Variants in TRMT11 observed in about 807,000 individuals in gnomAD.
TRMT11 encodes the protein tRNA methyltransferase 11, also known as tRNA (guanine(10)-N(2))-methyltransferase TRMT11.
TRMT11 carries 53 observed loss-of-function variants against 62.8 expected under a neutral mutation model. That is an observed-to-expected ratio of 0.84 (90% CI 0.68 to 1.06). The LOEUF (loss-of-function observed/expected upper bound fraction) is 1.06. Ranked by LOEUF, TRMT11 falls within the 50% of genes least tolerant of loss-of-function variation. The pLI is 0.00. For missense variants in TRMT11, 556 were observed against 553.4 expected (o/e 1.00, Z -0.05); for synonymous variants, 188 against 190.3 (o/e 0.99, Z 0.10).
chr6:126,209,453 G>C, the TRMT11 span, among the ~76,000 whole-genome samples: 1 of 151,982 alleles, frequency 6.6e-6, no homozygotes, highest in Non-Finnish European at 1.5e-5. Flanking sequence ...GGGCGCGGTG[G>C]CTCACTCCTG....
chr6:126,163,653 T>A (rs544276263), intron 21 of TRMT11, among the ~76,000 whole-genome samples: 23 of 152,332 alleles, frequency 1.5e-4, no homozygotes, highest in African/African-American at 5.5e-4. Context: ...GTACCTCTGG[T>A]AGAATTCGGC....
chr6:126,189,400 T>C (rs1778567584), intron 1 of TRMT11, among the ~76,000 whole-genome samples: 1 of 152,176 alleles, frequency 6.6e-6, no homozygotes, highest in African/African-American at 2.4e-5. Context: ...CCCCCAATTC[T>C]AAAGAAGGTT....
the TRMT11 span, among the ~76,000 whole-genome samples, chr6:126,229,477 A>G: frequency 6.6e-6 from 1 of 152,200 alleles, no homozygotes; most frequent in Non-Finnish European, 1.5e-5. Flanking sequence ...AGTCATTGTA[A>G]TCACATTGAA....
chr6:126,064,903 G>GTTCTAACTTTTTAA (rs1469582474), intron 17 of TRMT11, among the ~76,000 whole-genome samples: 1 of 152,178 alleles, frequency 6.6e-6, no homozygotes, highest in Non-Finnish European at 1.5e-5. Flanking sequence ...GAACCTTCTG[G>GTTCTAACTTTTTAA]TGTGGAGCAA....
chr6:126,234,100 C>T, the TRMT11 span, among the ~76,000 whole-genome samples: 1 of 152,004 alleles, frequency 6.6e-6, no homozygotes, highest in South Asian at 2.1e-4. Context: ...ATAGTCAAAC[C>T]TACGTCTCTG....
chr6:126,083,782 C>T (rs1228426123), intron 17 of TRMT11, among the ~76,000 whole-genome samples: 1 of 152,126 alleles, frequency 6.6e-6, no homozygotes, highest in Non-Finnish European at 1.5e-5. Context: ...ATTTCCTTCC[C>T]TCCCAATCAC....
At chr6:126,222,457 T>TTTTCCA in the TRMT11 span, among the ~76,000 whole-genome samples, 1 of 152,194 alleles carries the variant, frequency 6.6e-6, no homozygotes, top group Admixed American at 6.5e-5. Flanking sequence ...TATAGAATGT[T>TTTTCCA]TTTCCATTTC....
At chr6:126,198,832 A>G (rs1455621716) in exon 2 of TRMT11, 2 of 152,202 alleles carry the variant, frequency 1.3e-5, no homozygotes, top group Admixed American at 1.3e-4. Flanking sequence ...GCTTCAAATC[A>G]TCATCATGGG....
intron 3 of TRMT11, among the ~76,000 whole-genome samples, chr6:126,201,501 T>C (rs992305800): frequency 6.6e-6 from 1 of 152,198 alleles, no homozygotes; most frequent in Admixed American, 6.5e-5. Flanking sequence ...GTCCCTCCTG[T>C]GGATTGATCC....
chr6:126,200,181 A>C (rs1037740504), intron 3 of TRMT11, among the ~76,000 whole-genome samples: 3 of 152,204 alleles, frequency 2.0e-5, no homozygotes, highest in African/African-American at 7.2e-5. Context: ...GACAAGAAAG[A>C]GTTTATCAAG....
chr6:126,188,659 T>A (rs1444886436), intron 1 of TRMT11, among the ~76,000 whole-genome samples: 1 of 152,186 alleles, frequency 6.6e-6, no homozygotes, highest in Non-Finnish European at 1.5e-5. Context: ...TAGTTCATAA[T>A]GGGTGAAACA....
downstream of TRMT11, among the ~76,000 whole-genome samples, chr6:126,204,381 C>T (rs143833008): frequency 3.3e-4 from 50 of 152,256 alleles, no homozygotes; most frequent in African/African-American, 1.2e-3. Flanking sequence ...GATTCAGGAC[C>T]GGATTCTCTG....
chr6:125,986,750 A>T, intron 1 of TRMT11, 128 bp downstream of exon 1: 2 of 873,992 alleles, frequency 2.3e-6, no homozygotes, highest in Non-Finnish European at 3.5e-6. Context: ...TGCGCGGGTC[A>T]CGCGTCCCCA....
chr6:126,076,903 G>A (rs1176420413), intron 17 of TRMT11, among the ~76,000 whole-genome samples: 5 of 152,136 alleles, frequency 3.3e-5, no homozygotes, highest in Non-Finnish European at 4.4e-5. Flanking sequence ...AGAATATTAA[G>A]GGAGAGACTC....
chr6:126,257,865 T>G, the TRMT11 span: 16 of 1,270,476 alleles, frequency 1.3e-5, no homozygotes, highest in Non-Finnish European at 1.7e-5. Context: ...GCTCTTGCTA[T>G]GAGGTCGGGG....
Position 126,021,150 on chromosome 6 carries a change from C to T in TRMT11, c.1140-10C>T. 1 of 1,613,942 alleles carries T rather than the reference C, an allele frequency of 6.2e-7. No individual in the cohort carries two copies. Among genetic ancestry groups the T allele is most frequent in the Non-Finnish European group, 8.5e-7 (1 of 1,179,854 alleles). ...TGAGTGTTCCTAACAGTCAGCTGTT[C>T]TTTCTTCAGATACACTGAAGAGATG... On this transcript the variant is annotated splice_polypyrimidine_tract_variant and intron_variant, in intron 11 of 12. Coordinates refer to ENST00000334379, the MANE Select transcript of TRMT11 (RefSeq NM_001031712.3).
Position 125,998,308 on chromosome 6 carries a change from G to T in TRMT11, c.380G>T (p.Arg127Leu), listed in dbSNP as rs144488568. ...KTLTQEEKIK[R>L]IDALEFLPFE... is the part of the protein sequence containing the mutation. Reference sequence around the variant, plus strand: ...TTGACACAAGAAGAGAAAATCAAGCGAATAGATGTAAGTAAATTTAGCAAA... The same window carrying T: ...TTGACACAAGAAGAGAAAATCAAGCTAATAGATGTAAGTAAATTTAGCAAA... Residue 127 changes from arginine (R) to leucine (L), a missense_variant, in exon 5 of 13, where the codon CGA (arginine) becomes CTA (leucine). Transcript: ENST00000334379. 7 of 1,587,316 alleles carry T rather than the reference G, an allele frequency of 4.4e-6. No individual in the cohort carries two copies. Among genetic ancestry groups the T allele is most frequent in the Non-Finnish European group, 6.0e-6 (7 of 1,159,026 alleles).
At chr6:126,268,590 T>A in the TRMT11 span, among the ~76,000 whole-genome samples, 25 of 152,298 alleles carry the variant, frequency 1.6e-4, no homozygotes, top group African/African-American at 5.5e-4. Context: ...ATTGTTTAAA[T>A]CTTCTGGCTG....
chr6:126,230,196 T>G, the TRMT11 span, among the ~76,000 whole-genome samples: 1 of 152,110 alleles, frequency 6.6e-6, no homozygotes, highest in East Asian at 1.9e-4. Flanking sequence ...ACCTAACCAC[T>G]TGCAAAAATC....
Sources: gnomAD v4.1 joint callset for allele counts (sites outside exome capture counted in the v4.1 genomes callset) on GRCh38, gnomAD v4.1.1 for gene constraint, MANE v1.5 for transcripts, NCBI Gene and HGNC (gene_info 2026-07-23, HGNC 2026-07-21) for gene names.